The following BRD1 variants were observed in gnomAD, a reference collection of about 807,000 sequenced individuals.
BRD1 encodes the protein bromodomain containing 1.
Under a neutral mutation model 107.7 loss-of-function variants are expected in BRD1, and 24 were observed. The ratio of observed to expected loss-of-function variants is 0.22; its 90% CI spans 0.16 to 0.31. The LOEUF (loss-of-function observed/expected upper bound fraction) is 0.31. Among genes scored for constraint, BRD1 ranks in the 10% least tolerant of loss-of-function variants. BRD1 has a pLI of 1.00. For synonymous variants in BRD1, 744 were observed against 686.1 expected, an observed-to-expected ratio of 1.08 and a Z score of -1.32; for missense variants, 1,279 against 1,638.6, an observed-to-expected ratio of 0.78 and a Z score of 3.79.
chr22:49,782,058 G>A (rs868234487), intron 8 of BRD1, among the ~76,000 whole-genome samples: 11 of 150,320 alleles, frequency 7.3e-5, no homozygotes, highest in African/African-American at 2.7e-4. Context: ...CAGACCCAAG[G>A]CCTATGTTGC....
intron 8 of BRD1, among the ~76,000 whole-genome samples, chr22:49,780,615 AC>A (rs1465209436): frequency 7.9e-5 from 12 of 152,152 alleles, no homozygotes; most frequent in African/African-American, 2.7e-4. Flanking sequence ...AGTCCCCAGA[AC>A]CTCGGGGGAG....
Position 49,816,233 on chromosome 22 carries a change from C to A in BRD1, c.1367+6718G>T, listed in dbSNP as rs889819143. On this transcript the variant is annotated intron_variant, in intron 2 of 12. Coordinates refer to ENST00000404760, the MANE Select transcript of BRD1 (RefSeq NM_001304808.3). ...CGGCCGGTGGCTCTAATCCGTAACC[C>A]TAGCACTTTGGGAGGCTGAGGACCA... 3.9e-5 allele frequency among the ~76,000 whole-genome samples: 6 copies of A among 152,202 alleles called. 1 individual carries two copies. The highest frequency in any genetic ancestry group is 1.3e-4 in the Admixed American group (2 of 15,284).
intron 2 of BRD1, among the ~76,000 whole-genome samples, chr22:49,810,425 G>T (rs142660413): frequency 6.6e-6 from 1 of 152,110 alleles, no homozygotes. Flanking sequence ...TTAGGCAAAG[G>T]CTTCTTACAT....
intron 8 of BRD1, among the ~76,000 whole-genome samples, chr22:49,778,604 C>T (rs73439742): frequency 3.3e-4 from 51 of 152,294 alleles, no homozygotes; most frequent in African/African-American, 1.2e-3. Flanking sequence ...GGAGTCACAA[C>T]GGGGGGATGA....
rs1175601686 is a variant in BRD1 at position 49,803,298 on chromosome 22, T to C, written c.1524+906A>G. On this transcript the variant is annotated intron_variant, in intron 3 of 12. Transcript: ENST00000404760. The surrounding 1 kb of genome is among the most constrained non-coding windows in gnomAD (Gnocchi z 4.4). ...TAGACTCAAGCTTCCTGTGAGCAAG[T>C]CACCACCTCACAGCAGAGCAGGATG... 1.3e-5 allele frequency among the ~76,000 whole-genome samples: 2 copies of C among 152,182 alleles called. No homozygotes were observed. The highest frequency in any genetic ancestry group is 4.8e-5 in the African/African-American group (2 of 41,442).
intron 1 of BRD1, chr22:49,826,085 A>C (rs2060145393): frequency 1.1e-3 from 732 of 662,946 alleles, no homozygotes; most frequent in Non-Finnish European, 1.3e-3. Flanking sequence ...GAGCGACCCT[A>C]GTGCACCCGG....
At chr22:49,794,988 CAAG>C (rs1569107148) in intron 6 of BRD1, among the ~76,000 whole-genome samples, 1 of 151,288 alleles carries the variant, frequency 6.6e-6, no homozygotes, top group South Asian at 2.1e-4. Context: ...AAAACCAGAG[CAAG>C]AAGGAGAGAG....
intron 5 of BRD1, 31 bp downstream of exon 5, chr22:49,798,527 G>C: frequency 6.2e-7 from 1 of 1,614,022 alleles, no homozygotes; most frequent in Non-Finnish European, 8.5e-7. Context: ...TCACACATGC[G>C]GCAGGACAGA....
At position 49,824,264 on chromosome 22, in the gene BRD1, G is replaced by A. The variant is rs2060121991; in HGVS notation, c.54C>T (p.Ser18=). The stretch of plus-strand genomic sequence containing the variant: ...TAGGGGAGTGTTTAACACTGCATGG[G>A]GAAGAAGGATGCCTCGCTGCAGAGC... The part of the protein sequence containing the change: ...HRGSAARHPS[S]PCSVKHSPTR... Residue 18 remains serine, a synonymous_variant, in exon 2 of 13, where the codon TCC becomes TCT. Transcript: ENST00000404760. The surrounding 1 kb of genome is among the most constrained non-coding windows in gnomAD (Gnocchi z 5.9). The A allele has an allele frequency of 3.7e-6, 6 of 1,614,002 alleles. No homozygotes were observed. The highest frequency in any genetic ancestry group is 2.7e-5 in the African/African-American group (2 of 75,036).
chr22:49,786,746 T>C (rs2059333124), intron 8 of BRD1, among the ~76,000 whole-genome samples: 1 of 152,068 alleles, frequency 6.6e-6, no homozygotes, highest in South Asian at 2.1e-4. Context: ...CACCAGCTTA[T>C]CCAGATGTGC....
intron 1 of BRD1, chr22:49,826,293 AC>A (rs2060148372): frequency 2.9e-5 from 28 of 981,744 alleles, no homozygotes; most frequent in Non-Finnish European, 3.1e-5. Context: ...GGAGAACTGA[AC>A]CGAAGGCTTC....
intron 11 of BRD1, 72 bp from the exon 12 acceptor site, chr22:49,775,817 C>T: frequency 2.5e-6 from 3 of 1,205,026 alleles, no homozygotes; most frequent in Non-Finnish European, 2.1e-6. Context: ...TCACTGGCAC[C>T]CCCCCCCGCC....
chr22:49,811,628 G>A (rs1477562650), intron 2 of BRD1, among the ~76,000 whole-genome samples: 2 of 152,232 alleles, frequency 1.3e-5, no homozygotes, highest in African/African-American at 2.4e-5. Flanking sequence ...GCTCAGAATG[G>A]TGCACAACTG....
rs1345418331 is a variant in BRD1 at position 49,827,665 on chromosome 22, CGGCAGCGGCGGCCGCGGACTCTCG to C, written c.-207_-184del. Among the ~76,000 whole-genome samples, 2 of 145,044 alleles carry C rather than the reference CGGCAGCGGCGGCCGCGGACTCTCG, an allele frequency of 1.4e-5. No homozygotes were observed. Among genetic ancestry groups the C allele is most frequent in the African/African-American group, 2.5e-5 (1 of 40,456 alleles). On this transcript the variant is annotated 5_prime_UTR_variant, in exon 1 of 13. Transcript: ENST00000404760. ...CTCTCGGCCGCGGCGGCTCCGGGCCCGGCAGCGGCGGCCGCGGACTCTCGGGCAGCGGCTCGCGCGGCGCGGGCT... is the reference window on the plus strand; with the variant it reads ...CTCTCGGCCGCGGCGGCTCCGGGCCCGGCAGCGGCTCGCGCGGCGCGGGCT...
intron 8 of BRD1, among the ~76,000 whole-genome samples, chr22:49,785,538 T>C (rs1349992334): frequency 6.6e-6 from 1 of 152,104 alleles, no homozygotes; most frequent in Non-Finnish European, 1.5e-5. Context: ...CAGGTCAGAG[T>C]CTTTCACCAA....
chr22:49,784,965 G>C (rs2059294460), intron 8 of BRD1, among the ~76,000 whole-genome samples: 1 of 152,244 alleles, frequency 6.6e-6, no homozygotes, highest in African/African-American at 2.4e-5. Context: ...GGAAATGAGA[G>C]AGCAGAAATC....
chr22:49,809,739 C>G (rs986380039), intron 2 of BRD1, among the ~76,000 whole-genome samples: 2 of 152,000 alleles, frequency 1.3e-5, no homozygotes, highest in South Asian at 2.1e-4. Context: ...GGACCATGAT[C>G]GAAGGAAGTG....
intron 8 of BRD1, among the ~76,000 whole-genome samples, chr22:49,778,991 G>A (rs1039650553): frequency 9.9e-5 from 15 of 152,090 alleles, no homozygotes; most frequent in African/African-American, 2.4e-4. Context: ...AAAGAACCCC[G>A]TTTTCCTGCC....
At chr22:49,808,250 C>A (rs373803469) in intron 2 of BRD1, among the ~76,000 whole-genome samples, 1 of 152,156 alleles carries the variant, frequency 6.6e-6, no homozygotes, top group Non-Finnish European at 1.5e-5. Flanking sequence ...GCATTATTCA[C>A]GATGGCTAAA....
Sources: allele counts gnomAD v4.1 joint callset (sites outside exome capture counted in the v4.1 genomes callset), GRCh38; gene constraint gnomAD v4.1.1; non-coding constraint Gnocchi (gnomAD v3.1); transcripts MANE v1.5; gene names NCBI Gene and HGNC (gene_info 2026-07-23, HGNC 2026-07-21).